Variants in PDXP observed in about 807,000 individuals in gnomAD.
PDXP encodes the protein pyridoxal phosphatase, also known as chronophin.
A neutral mutation model predicts 14.4 loss-of-function variants in PDXP; 15 were observed. The ratio of observed to expected loss-of-function variants is 1.04; its 90% CI spans 0.70 to 1.60. The LOEUF is 1.60. Among genes scored for constraint, PDXP ranks in the 40% most tolerant of loss-of-function variants. The probability of loss-of-function intolerance (pLI) is 0.00; values close to 1 mark genes in which losing one functional copy is unlikely to be tolerated. For synonymous variants in PDXP, 233 were observed against 205.6 expected, an observed-to-expected ratio of 1.13 and a Z score of -1.14; for missense variants, 413 against 427.6, an observed-to-expected ratio of 0.97 and a Z score of 0.30.
At position 37,663,126 on chromosome 22, in the gene PDXP, C is replaced by G. The variant is rs1272404928; in HGVS notation, c.575-2429C>G. ...CCATCCTGGCTAACACAGTGAAAAC[C>G]CATCTCTACTAAAAAAATACAAAAA... is the stretch of plus-strand genomic sequence containing the variant. On this transcript the variant is annotated intron_variant, in intron 1 of 1. Coordinates refer to ENST00000215904, the MANE Select transcript of PDXP (RefSeq NM_020315.5). 3.3e-5 allele frequency among the ~76,000 whole-genome samples: 5 copies of G among 151,212 alleles called. No individual in the cohort carries two copies. The East Asian group carries it at 9.9e-4, about 30-fold the overall frequency.
At position 37,659,016 on chromosome 22, in the gene PDXP, G is replaced by C; in HGVS notation, c.234G>C (p.Gly78=). 1 of 1,186,056 alleles carries C rather than the reference G, an allele frequency of 8.4e-7. No homozygotes were observed. The highest frequency in any genetic ancestry group is 1.0e-6 in the Non-Finnish European group (1 of 955,426). The allele number at this position is 1,186,056 out of a possible 1,614,324, so 73.5% of individuals were successfully genotyped here. A position where few individuals can be genotyped will look rare whatever the true frequency, so the allele number is the denominator to read the frequency against. Residue 78 remains glycine, a synonymous_variant, in exon 1 of 2, where the codon GGG becomes GGC. Transcript: ENST00000215904. ...LALRFARLGF[G]GLRAEQLFSS... ...TGCGCTTCGCGCGCCTCGGCTTCGG[G>C]GGGCTGCGCGCCGAGCAGCTCTTCA...
At chr22:37,662,538 T>C (rs1933225677) in intron 1 of PDXP, among the ~76,000 whole-genome samples, 1 of 152,092 alleles carries the variant, frequency 6.6e-6, no homozygotes. Flanking sequence ...TCCCTGAACG[T>C]GGGGTCAGGA....
rs1273962391 is a variant in PDXP, at chr22:37,665,949, A to G, written c.*78A>G. The stretch of plus-strand genomic sequence containing the variant: ...AGGTGGAGGCGATGGGTCACGAGCC[A>G]TGTTAAGCACAACCGGCTCCTTGGT... On this transcript the variant is annotated 3_prime_UTR_variant, in exon 2 of 2. Coordinates refer to ENST00000215904, the MANE Select transcript of PDXP (RefSeq NM_020315.5). The G allele has an allele frequency of 8.5e-6, 12 of 1,418,780 alleles. No individual in the cohort carries two copies. In the Admixed American group the frequency reaches 1.9e-4, roughly 23 times the overall value. 87.9% of individuals were successfully genotyped at this position (1,418,780 alleles called of 1,614,324 possible).
Position 37,666,030 on chromosome 22 carries a change from AC to A in PDXP, c.*164del. 2 of 706,766 alleles carry A rather than the reference AC, an allele frequency of 2.8e-6. No individual in the cohort carries two copies. Among genetic ancestry groups the A allele is most frequent in the Non-Finnish European group, 2.4e-6 (1 of 419,418 alleles). The allele number at this position is 706,766 out of a possible 1,614,324, so 43.8% of individuals were successfully genotyped here. On this transcript the variant is annotated 3_prime_UTR_variant, in exon 2 of 2. Transcript: ENST00000215904. The stretch of plus-strand genomic sequence containing the variant: ...CGGGGAAGGTTTGAGGGCCCTTGCA[AC>A]CCCCTCCCAGCAGTGGCTGGGCACT...
Position 37,666,105 on chromosome 22 carries a change from C to A in PDXP, c.*234C>A, listed in dbSNP as rs7291867. ...CCCTATGGATTCATCTTGGCCTGAC[C>A]CAGCCAGGTGGCCTTATTTCTTCCC... On this transcript the variant is annotated 3_prime_UTR_variant, in exon 2 of 2. Transcript: ENST00000215904. 3.4e-6 allele frequency: 2 copies of A among 585,738 alleles called. No homozygotes were observed. Among genetic ancestry groups the A allele is most frequent in the South Asian group, 2.2e-5 (1 of 45,160 alleles). 36.3% of individuals were successfully genotyped at this position (585,738 alleles called of 1,614,324 possible).
At chr22:37,662,283 G>C (rs770682053) in intron 1 of PDXP, among the ~76,000 whole-genome samples, 25 of 152,064 alleles carry the variant, frequency 1.6e-4, no homozygotes, top group Non-Finnish European at 2.8e-4. Context: ...GCAGGGCTGA[G>C]GATTCTTGCT....
Position 37,658,750 on chromosome 22 carries a change from C to G in PDXP, c.-33C>G. 1.8e-6 allele frequency: 2 copies of G among 1,125,972 alleles called. No individual in the cohort carries two copies. The highest frequency in any genetic ancestry group is 1.6e-5 in the African/African-American group (1 of 60,818). The allele number at this position is 1,125,972 out of a possible 1,614,324, so 69.7% of individuals were successfully genotyped here. On this transcript the variant is annotated 5_prime_UTR_variant, in exon 1 of 2. Coordinates refer to ENST00000215904, the MANE Select transcript of PDXP (RefSeq NM_020315.5). ...GAGCGCGCCGTGCCCGCGGAGAGAGCGCGGCGCGGGAGGCCGGCGGCCGGC... is the reference window on the plus strand; with the variant it reads ...GAGCGCGCCGTGCCCGCGGAGAGAGGGCGGCGCGGGAGGCCGGCGGCCGGC...
At chr22:37,663,143 AT>A (rs1933236734) in intron 1 of PDXP, among the ~76,000 whole-genome samples, 1 of 151,390 alleles carries the variant, frequency 6.6e-6, no homozygotes, top group Admixed American at 6.6e-5. Flanking sequence ...TACTAAAAAA[AT>A]ACAAAAAAAA....
rs913420110 is a variant in PDXP at position 37,658,738 on chromosome 22, C to T, written c.-45C>T. On this transcript the variant is annotated 5_prime_UTR_variant, in exon 1 of 2. Coordinates refer to ENST00000215904, the MANE Select transcript of PDXP (RefSeq NM_020315.5). ...ACGTGCCAGGGAGAGCGCGCCGTGCCCGCGGAGAGAGCGCGGCGCGGGAGG... is the reference window on the plus strand; with the variant it reads ...ACGTGCCAGGGAGAGCGCGCCGTGCTCGCGGAGAGAGCGCGGCGCGGGAGG... 7.2e-6 allele frequency: 8 copies of T among 1,108,694 alleles called. No homozygotes were observed. In the African/African-American group the frequency reaches 1.2e-4, roughly 16 times the overall value. 68.7% of individuals were successfully genotyped at this position (1,108,694 alleles called of 1,614,324 possible). A position where few individuals can be genotyped will look rare whatever the true frequency, so the allele number is the denominator to read the frequency against.
Position 37,665,931 on chromosome 22 carries a change from G to A in PDXP, c.*60G>A, listed in dbSNP as rs879943530. On this transcript the variant is annotated 3_prime_UTR_variant, in exon 2 of 2. Transcript: ENST00000215904. ...CCCACTCCCTGATCCCGTAGGTGGA[G>A]GCGATGGGTCACGAGCCATGTTAAG... The A allele has an allele frequency of 1.1e-5, 17 of 1,507,718 alleles. No homozygotes were observed. The highest frequency in any genetic ancestry group is 1.5e-5 in the Non-Finnish European group (16 of 1,098,870). The allele number at this position is 1,507,718 out of a possible 1,614,324, so 93.4% of individuals were successfully genotyped here.
intron 1 of PDXP, 38 bp from the exon 2 acceptor site, chr22:37,665,517 G>GC (rs1220817737): frequency 1.3e-6 from 2 of 1,525,486 alleles, no homozygotes; most frequent in Non-Finnish European, 1.8e-6. Flanking sequence ...CGCTGTCCCT[G>GC]CCGCCCTCCT....
At chr22:37,662,722 G>A (rs969343883) in intron 1 of PDXP, among the ~76,000 whole-genome samples, 2 of 152,102 alleles carry the variant, frequency 1.3e-5, no homozygotes, top group Non-Finnish European at 2.9e-5. Flanking sequence ...GCACAGTGGC[G>A]CATGCCTGTA....
chr22:37,659,180 C>A lies in PDXP; in HGVS notation c.398C>A (p.Pro133Gln), dbSNP rs1265650300. The change falls in exon 1 of 2, where the codon CCG becomes CAG. Residue 133 changes from proline to glutamine, a missense_variant. Physicochemically the swap from Pro to Gln is moderately conservative, Grantham distance 76. Coordinates refer to ENST00000215904, the MANE Select transcript of PDXP (RefSeq NM_020315.5). ...RAAGLRLAGD[P>Q]SAGDGAAPRV... The stretch of plus-strand genomic sequence containing the variant: ...GCGGGGCTGCGCCTGGCCGGGGACC[C>A]GAGCGCGGGGGACGGCGCGGCCCCG... 6 of 1,183,504 alleles carry A rather than the reference C, an allele frequency of 5.1e-6. No homozygotes were observed. Among genetic ancestry groups the A allele is most frequent in the Non-Finnish European group, 5.2e-6 (5 of 957,038 alleles). The allele number at this position is 1,183,504 out of a possible 1,614,324, so 73.3% of individuals were successfully genotyped here.
chr22:37,659,186 C>T lies in PDXP; in HGVS notation c.404C>T (p.Ala135Val). The stretch of plus-strand genomic sequence containing the variant: ...CTGCGCCTGGCCGGGGACCCGAGCG[C>T]GGGGGACGGCGCGGCCCCGCGCGTG... ...AGLRLAGDPSAGDGAAPRVRA... is the reference protein window; with the variant it reads ...AGLRLAGDPSVGDGAAPRVRA... The change falls in exon 1 of 2, where the codon GCG (alanine) becomes GTG (valine). Residue 135 changes from alanine to valine, a missense_variant. Ala to Val is a moderately conservative substitution (Grantham distance 64). Transcript: ENST00000215904. 2.5e-6 allele frequency: 3 copies of T among 1,201,200 alleles called. No individual in the cohort carries two copies. The highest frequency in any genetic ancestry group is 3.1e-6 in the Non-Finnish European group (3 of 968,212). The allele number at this position is 1,201,200 out of a possible 1,614,324, so 74.4% of individuals were successfully genotyped here. A position where few individuals can be genotyped will look rare whatever the true frequency, so the allele number is the denominator to read the frequency against.
chr22:37,666,210 C>A lies in PDXP; in HGVS notation c.*339C>A. The A allele has an allele frequency of 2.7e-6, 1 of 367,858 alleles. No individual in the cohort carries two copies. The highest frequency in any genetic ancestry group is 5.3e-6 in the Non-Finnish European group (1 of 190,144). 22.8% of individuals were successfully genotyped at this position (367,858 alleles called of 1,614,324 possible). ...ATCCCTGAGTACTTAGTCTTCTCCC[C>A]CTTCCCTGGGGCTTCTAGAGCTCTC... is the stretch of plus-strand genomic sequence containing the variant. On this transcript the variant is annotated 3_prime_UTR_variant, in exon 2 of 2. Coordinates refer to ENST00000215904, the MANE Select transcript of PDXP (RefSeq NM_020315.5).
chr22:37,659,217 C>G lies in PDXP; in HGVS notation c.435C>G (p.Ala145=). 1.6e-6 allele frequency: 2 copies of G among 1,289,638 alleles called. No individual in the cohort carries two copies. The highest frequency in any genetic ancestry group is 1.5e-5 in the African/African-American group (1 of 66,156). The allele number at this position is 1,289,638 out of a possible 1,614,324, so 79.9% of individuals were successfully genotyped here. ...AGDGAAPRVR[A]VLVGYDEHFS... ...ACGGCGCGGCCCCGCGCGTGCGCGC[C>G]GTGCTTGTGGGCTACGACGAGCACT... Residue 145 remains alanine (A), a synonymous_variant, in exon 1 of 2, where the codon GCC becomes GCG. Transcript: ENST00000215904.
In PDXP at chr22:37,658,757, C is replaced by G; in HGVS notation, c.-26C>G. ...CCGTGCCCGCGGAGAGAGCGCGGCG[C>G]GGGAGGCCGGCGGCCGGCCGGCTGC... is the stretch of plus-strand genomic sequence containing the variant. On this transcript the variant is annotated 5_prime_UTR_variant, in exon 1 of 2. Transcript: ENST00000215904. The G allele has an allele frequency of 8.7e-7, 1 of 1,146,024 alleles. No homozygotes were observed. Among genetic ancestry groups the G allele is most frequent in the Non-Finnish European group, 1.1e-6 (1 of 931,142 alleles). 71.0% of individuals were successfully genotyped at this position (1,146,024 alleles called of 1,614,324 possible).
intron 1 of PDXP, among the ~76,000 whole-genome samples, chr22:37,664,237 TC>T (rs1220860218): frequency 7.4e-6 from 1 of 134,872 alleles, no homozygotes; most frequent in Non-Finnish European, 1.5e-5. Context: ...AGCCAGCTTT[TC>T]TTTTTTTTTT....
rs759676737 is a variant in PDXP, at chr22:37,665,709, C to T, written c.729C>T (p.Asp243=). Residue 243 remains aspartate (D), a synonymous_variant, in exon 2 of 2, where the codon GAC becomes GAT. Transcript: ENST00000215904. ...TLMVGDRLET[D]ILFGHRCGMT... ...TGGTGGGTGACCGCCTGGAGACCGACATCCTCTTTGGCCACCGCTGCGGCA... is the reference window on the plus strand; with the variant it reads ...TGGTGGGTGACCGCCTGGAGACCGATATCCTCTTTGGCCACCGCTGCGGCA... 32 of 1,614,054 alleles carry T rather than the reference C, an allele frequency of 2.0e-5. No individual in the cohort carries two copies. The highest frequency in any genetic ancestry group is 1.6e-4 in the Middle Eastern group (1 of 6,084).
Sources: gnomAD v4.1 joint callset for allele counts (sites outside exome capture counted in the v4.1 genomes callset) on GRCh38, gnomAD v4.1.1 for gene constraint, MANE v1.5 for transcripts, NCBI Gene and HGNC (gene_info 2026-07-23, HGNC 2026-07-21) for gene names.